CFAP74: variants seen among roughly 807,000 people sequenced by gnomAD.
CFAP74 encodes the protein cilia and flagella associated protein 74, also known as cilia- and flagella-associated protein 74.
A neutral mutation model predicts 188.9 loss-of-function variants in CFAP74; 124 were observed. The observed-to-expected ratio is 0.66, with a 90% CI of 0.57 to 0.76. The LOEUF (loss-of-function observed/expected upper bound fraction) is 0.76. CFAP74 is among the 30% of genes least tolerant of loss of function. CFAP74 has a pLI of 0.00. For synonymous variants in CFAP74, 956 were observed against 916.7 expected, an observed-to-expected ratio of 1.04 and a Z score of -0.77; for missense variants, 2,198 against 2,165.2, an observed-to-expected ratio of 1.02 and a Z score of -0.30.
At chr1:1,984,386 C>T (rs1261643309) in intron 6 of CFAP74, 1 of 152,002 alleles carries the variant, frequency 6.6e-6, no homozygotes, top group Non-Finnish European at 1.5e-5. Context: ...CCCTGTGAAG[C>T]CCCTCACCCT....
chr1:1,927,080 G>A (rs1445554146), intron 28 of CFAP74, 52 bp from the exon 29 acceptor site: 3 of 1,547,322 alleles, frequency 1.9e-6, no homozygotes, highest in Admixed American at 2.0e-5. Context: ...CCCACCATCG[G>A]CCCAGGCCGG....
chr1:1,926,915 C>T lies in CFAP74; in HGVS notation c.3641G>A (p.Gly1214Glu). 1 of 1,550,206 alleles carries T rather than the reference C, an allele frequency of 6.5e-7. No individual in the cohort carries two copies. The highest frequency in any genetic ancestry group is 1.2e-5 in the South Asian group (1 of 84,064). The change falls in exon 29 of 39, where the codon GGG becomes GAG. Residue 1214 changes from glycine to glutamate, a missense_variant. Transcript: ENST00000682832. The stretch of plus-strand genomic sequence containing the variant: ...GCACCTGAAGCTCAGGGGTTCTGAC[C>T]CCTTCCTGTCTTTGATGTCGCCACT... ...VASGDIKDRK[G>E]SEPLSFSPHN...
In CFAP74 at chr1:1,922,191, C is replaced by T; in HGVS notation, c.*96G>A. 2 of 906,482 alleles carry T rather than the reference C, an allele frequency of 2.2e-6. No homozygotes were observed. Among genetic ancestry groups the T allele is most frequent in the Non-Finnish European group, 3.5e-6 (2 of 577,186 alleles). 56.2% of individuals were successfully genotyped at this position (906,482 alleles called of 1,614,324 possible). On this transcript the variant is annotated 3_prime_UTR_variant, in exon 39 of 39. Transcript: ENST00000682832. The stretch of plus-strand genomic sequence containing the variant: ...CCTATTGGAATCTGGCAGAGGATGG[C>T]CAGGTCCCAGGCTCTAGGGTAGTAT...
At chr1:1,986,176 A>G (rs13302992) in intron 5 of CFAP74, among the ~76,000 whole-genome samples, 1 of 152,016 alleles carries the variant, frequency 6.6e-6, no homozygotes, top group Non-Finnish European at 1.5e-5. Flanking sequence ...CAAGGTCAGG[A>G]GTTCAAGACC....
intron 13 of CFAP74, among the ~76,000 whole-genome samples, chr1:1,964,621 C>A (rs1455209541): frequency 6.6e-6 from 1 of 152,236 alleles, no homozygotes; most frequent in Non-Finnish European, 1.5e-5. Context: ...GAAACCCCGT[C>A]TCTACTAAAA....
chr1:1,970,235 G>A (rs1655846963), intron 10 of CFAP74, among the ~76,000 whole-genome samples: 1 of 152,240 alleles, frequency 6.6e-6, no homozygotes, highest in African/African-American at 2.4e-5. Context: ...AAGCCAGGTG[G>A]ACGGCCCTGG....
chr1:1,959,258 G>T (rs1321838180), intron 15 of CFAP74, 49 bp from the exon 16 acceptor site: 3 of 1,331,536 alleles, frequency 2.3e-6, no homozygotes, highest in Admixed American at 3.7e-5. Context: ...CAACTTTTGT[G>T]TGTTTTGTTT....
chr1:1,979,754 T>G (rs112540654), intron 6 of CFAP74, among the ~76,000 whole-genome samples: 1 of 42,118 alleles, frequency 2.4e-5, no homozygotes, highest in South Asian at 9.3e-4. Context: ...GACGAGGCTG[T>G]GCAGAACACG....
intron 20 of CFAP74, among the ~76,000 whole-genome samples, chr1:1,944,667 T>C (rs1653628262): frequency 1.3e-5 from 2 of 152,238 alleles, no homozygotes; most frequent in Non-Finnish European, 2.9e-5. Context: ...AGTGCAATGG[T>C]GCGATCTCGG....
At chr1:1,969,966 A>G (rs1231913210) in intron 10 of CFAP74, among the ~76,000 whole-genome samples, 2 of 152,202 alleles carry the variant, frequency 1.3e-5, no homozygotes, top group Non-Finnish European at 2.9e-5. Flanking sequence ...GTTTGCGTGG[A>G]GGTCACTGGG....
At chr1:1,991,768 G>GCA (rs1558065935) in intron 1 of CFAP74, among the ~76,000 whole-genome samples, 1 of 152,154 alleles carries the variant, frequency 6.6e-6, no homozygotes, top group Admixed American at 6.5e-5. Context: ...GGCTGGGCGT[G>GCA]GTGGCTCACA....
chr1:1,927,720 C>T lies in CFAP74; in HGVS notation c.3414G>A (p.Arg1138=). The change falls in exon 28 of 39, where the codon AGG becomes AGA. Residue 1138 remains arginine, a synonymous_variant. Transcript: ENST00000682832. ...AGAATGACAGTCCATGCAGGTCCTT[C>T]CTCTGGGGGGCCATATTCTTTCGGA... is the stretch of plus-strand genomic sequence containing the variant. ...KSFRKNMAPQ[R]KDLHGLSFSV... is the part of the protein sequence containing the mutation. The T allele has an allele frequency of 6.5e-7, 1 of 1,550,174 alleles. No individual in the cohort carries two copies. Among genetic ancestry groups the T allele is most frequent in the African/African-American group, 1.4e-5 (1 of 73,178 alleles).
rs1354706516 is a variant in CFAP74, at chr1:1,990,898, A to G, written c.59T>C (p.Leu20Ser). 2.5e-6 allele frequency: 4 copies of G among 1,612,080 alleles called. No homozygotes were observed. Among genetic ancestry groups the G allele is most frequent in the Non-Finnish European group, 3.4e-6 (4 of 1,179,410 alleles). Residue 20 changes from leucine to serine, a missense_variant, in exon 2 of 39, where the codon TTG becomes TCG. Transcript: ENST00000682832. ...EDELLADALL[L>S]EDERDELEDP... ...GAAAGAAGCTTTATTACCATCTTCCAAAAGAAGGGCATCGGCCAAAAGCTC... is the reference window on the plus strand; with the variant it reads ...GAAAGAAGCTTTATTACCATCTTCCGAAAGAAGGGCATCGGCCAAAAGCTC...
chr1:1,943,932 C>G (rs1278456886), intron 21 of CFAP74, among the ~76,000 whole-genome samples: 4 of 152,204 alleles, frequency 2.6e-5, no homozygotes, highest in African/African-American at 9.7e-5. Context: ...GGCCCTTCCT[C>G]CATCTTGGAA....
chr1:2,003,405 A>C (rs2102126519), intron 1 of CFAP74, among the ~76,000 whole-genome samples: 1 of 152,258 alleles, frequency 6.6e-6, no homozygotes, highest in Non-Finnish European at 1.5e-5. Flanking sequence ...CACGAGTCTT[A>C]ACTGTTCACC....
At chr1:1,948,305 C>T (rs1381228023) in intron 18 of CFAP74, among the ~76,000 whole-genome samples, 1 of 152,010 alleles carries the variant, frequency 6.6e-6, no homozygotes, top group African/African-American at 2.4e-5. Context: ...CGAGGTCTCA[C>T]TCTGTTGCCC....
At chr1:1,982,834 G>T (rs528789158) in intron 6 of CFAP74, among the ~76,000 whole-genome samples, 1 of 152,370 alleles carries the variant, frequency 6.6e-6, no homozygotes, top group African/African-American at 2.4e-5. Context: ...TGTGGCTTTG[G>T]TTGCAATTGG....
Position 1,973,013 on chromosome 1 carries a change from T to C in CFAP74, c.709A>G (p.Arg237Gly), listed in dbSNP as rs200874085. The change falls in exon 8 of 39, where the codon AGG becomes GGG. Residue 237 changes from arginine to glycine, a missense_variant. By Grantham distance (125) the Arg-to-Gly change is moderately radical. Transcript: ENST00000682832. The surrounding 1 kb of genome is among the most constrained non-coding windows in gnomAD (Gnocchi z 6.2). Reference sequence around the variant, plus strand: ...GCGTCCTCCAGCAGCTTCTGGTGCCTGAGCCCGAGCTCCTTCTGGGTGTTC... The same window carrying C: ...GCGTCCTCCAGCAGCTTCTGGTGCCCGAGCCCGAGCTCCTTCTGGGTGTTC... ...SLNTQKELGL[R>G]HQKLLEDARK... 1.0e-4 allele frequency: 169 copies of C among 1,613,866 alleles called. 1 individual carries two copies. The Middle Eastern group carries it at 1.2e-3, about 11-fold the overall frequency.
intron 6 of CFAP74, chr1:1,985,075 T>C: frequency 3.3e-6 from 1 of 306,292 alleles, no homozygotes; most frequent in Admixed American, 4.1e-5. Context: ...ACGAGGCAGC[T>C]GTCTCTCTCC....
Sources: gnomAD v4.1 joint callset for allele counts (sites outside exome capture counted in the v4.1 genomes callset) on GRCh38, gnomAD v4.1.1 for gene constraint, Gnocchi (gnomAD v3.1) non-coding constraint, MANE v1.5 for transcripts, NCBI Gene and HGNC (gene_info 2026-07-23, HGNC 2026-07-21) for gene names.